The following CDH26 variants were observed in gnomAD, a reference collection of about 807,000 sequenced individuals.
CDH26 encodes the protein cadherin 26.
A neutral mutation model predicts 90.3 loss-of-function variants in CDH26; 83 were observed. The observed-to-expected ratio is 0.92, with a 90% CI of 0.77 to 1.10. The LOEUF (loss-of-function observed/expected upper bound fraction) is 1.10. Among genes scored for constraint, CDH26 ranks in the 50% least tolerant of loss-of-function variants. CDH26 has a pLI of 0.00. For synonymous variants in CDH26, 397 were observed against 396.3 expected (o/e 1.00, Z -0.02); for missense variants, 1,013 against 1,037.6 (o/e 0.98, Z 0.33).
Position 59,958,676 on chromosome 20 carries a change from G to A in CDH26, c.-51G>A, listed in dbSNP as rs2061028073. ...GTGGCTCCGGTGAGACCACCAGCTTGGAGGACTGGTCATCAGCTGCACGTT... is the reference window on the plus strand; with the variant it reads ...GTGGCTCCGGTGAGACCACCAGCTTAGAGGACTGGTCATCAGCTGCACGTT... On this transcript the variant is annotated 5_prime_UTR_variant, in exon 1 of 18. Transcript: ENST00000348616. The A allele has an allele frequency of 6.4e-7, 1 of 1,563,334 alleles. No individual in the cohort carries two copies. The highest frequency in any genetic ancestry group is 8.8e-7 in the Non-Finnish European group (1 of 1,134,410).
In CDH26 at chr20:59,971,953, T is replaced by G; in HGVS notation, c.232-9T>G. 6.2e-7 allele frequency: 1 copy of G among 1,605,102 alleles called. No homozygotes were observed. The highest frequency in any genetic ancestry group is 8.5e-7 in the Non-Finnish European group (1 of 1,174,540). On this transcript the variant is annotated splice_polypyrimidine_tract_variant and intron_variant, in intron 3 of 17. Coordinates refer to ENST00000348616, the MANE Select transcript of CDH26 (RefSeq NM_177980.4). ...CCTTTTTTCTTCTTTCCATTTTTCC[T>G]CCTTCCAGCTGTTCAATAATATGTC...
At chr20:60,034,672 C>T (rs2062070424), downstream of CDH26, among the ~76,000 whole-genome samples, 1 of 152,194 alleles carries the variant, frequency 6.6e-6, no homozygotes, top group Non-Finnish European at 1.5e-5. Context: ...GGTGTTTCTG[C>T]CAGTTCTCCT....
chr20:60,013,377 A>G lies in CDH26; in HGVS notation c.*647A>G, dbSNP rs749029432. On this transcript the variant is annotated 3_prime_UTR_variant, in exon 18 of 18. Coordinates refer to ENST00000348616, the MANE Select transcript of CDH26 (RefSeq NM_177980.4). ...AACTTGTATGTATTATGTAAGTAAAAGAGTTAGGAGCCTTTGAATGAGTAA... is the reference window on the plus strand; with the variant it reads ...AACTTGTATGTATTATGTAAGTAAAGGAGTTAGGAGCCTTTGAATGAGTAA... The G allele has an allele frequency of 2.0e-5, 3 of 152,242 alleles. No individual in the cohort carries two copies. Among genetic ancestry groups the G allele is most frequent in the Non-Finnish European group, 2.9e-5 (2 of 68,038 alleles). 9.4% of individuals were successfully genotyped at this position (152,242 alleles called of 1,614,324 possible). A position where few individuals can be genotyped will look rare whatever the true frequency, so the allele number is the denominator to read the frequency against.
rs536725946 is a variant in CDH26, at chr20:59,992,619, A to T, written c.1426+99A>T. 2 of 1,230,482 alleles carry T rather than the reference A, an allele frequency of 1.6e-6. No homozygotes were observed. Among genetic ancestry groups the T allele is most frequent in the East Asian group, 2.3e-5 (1 of 42,730 alleles). 76.2% of individuals were successfully genotyped at this position (1,230,482 alleles called of 1,614,324 possible). ...GTCTTTCAGCACAGCAGAGAAAAGG[A>T]TAAAATAAACCTTGTTATCACTCTG... On this transcript the variant is annotated intron_variant, in intron 10 of 17. Transcript: ENST00000348616. This position sits in a 1 kb window ranked among gnomAD's most constrained non-coding sequence, Gnocchi z 5.0.
chr20:60,018,702 C>CTTTTTTTTTTT (rs55994712), downstream of CDH26, among the ~76,000 whole-genome samples: 79 of 17,810 alleles, frequency 4.4e-3, 8 homozygotes, highest in African/African-American at 6.2e-3. Flanking sequence ...CTCTTACTGC[C>CTTTTTTTTTTT]TTTTTTTTTT....
At position 59,972,129 on chromosome 20, in the gene CDH26, T is replaced by A; in HGVS notation, c.393+6T>A. 6.2e-7 allele frequency: 1 copy of A among 1,612,570 alleles called. No individual in the cohort carries two copies. Among genetic ancestry groups the A allele is most frequent in the Non-Finnish European group, 8.5e-7 (1 of 1,179,034 alleles). On this transcript the variant is annotated splice_donor_region_variant and intron_variant, in intron 4 of 17. Coordinates refer to ENST00000348616, the MANE Select transcript of CDH26 (RefSeq NM_177980.4). ...AAATGACACCATCTTTCACGGTATCTAAAACTTGATATATTCTAAGCTCGG... is the reference window on the plus strand; with the variant it reads ...AAATGACACCATCTTTCACGGTATCAAAAACTTGATATATTCTAAGCTCGG...
intron 8 of CDH26, 30 bp downstream of exon 8, chr20:59,987,668 G>A: frequency 6.4e-7 from 1 of 1,565,764 alleles, no homozygotes; most frequent in South Asian, 1.2e-5. Context: ...ATACCAACCA[G>A]TTAGTGGCAG....
Position 59,958,545 on chromosome 20 carries a change from A to G in CDH26, c.-182A>G. Reference sequence around the variant, plus strand: ...CAAGTCAGCCCACCCCACTCTGATAAATGCAAGAAAAGCTGAAAAGGGAGG... The same window carrying G: ...CAAGTCAGCCCACCCCACTCTGATAGATGCAAGAAAAGCTGAAAAGGGAGG... On this transcript the variant is annotated 5_prime_UTR_variant, in exon 1 of 18. Transcript: ENST00000348616. 1 of 656,016 alleles carries G rather than the reference A, an allele frequency of 1.5e-6. No individual in the cohort carries two copies. The highest frequency in any genetic ancestry group is 2.7e-6 in the Non-Finnish European group (1 of 363,984). 40.6% of individuals were successfully genotyped at this position (656,016 alleles called of 1,614,324 possible). A position where few individuals can be genotyped will look rare whatever the true frequency, so the allele number is the denominator to read the frequency against.
chr20:59,964,946 C>A (rs2061127562), intron 1 of CDH26, among the ~76,000 whole-genome samples: 1 of 152,156 alleles, frequency 6.6e-6, no homozygotes, highest in African/African-American at 2.4e-5. Flanking sequence ...TGGAAATACA[C>A]CTGTTTCAGA....
intron 16 of CDH26, among the ~76,000 whole-genome samples, chr20:60,004,807 C>T (rs1423573590): frequency 6.8e-6 from 1 of 147,400 alleles, no homozygotes; most frequent in Non-Finnish European, 1.5e-5. Context: ...AACACCTACA[C>T]ATAGAAAAGG....
In CDH26 at chr20:59,995,825, C is replaced by T; in HGVS notation, c.1667-8C>T. On this transcript the variant is annotated splice_region_variant and splice_polypyrimidine_tract_variant and intron_variant, in intron 11 of 17. Transcript: ENST00000348616. ...TCAATGCATGCCATGTTCTTTTTCC[C>T]TTTGCAGGTCAATCAGTTGAACTTT... 1 of 1,612,992 alleles carries T rather than the reference C, an allele frequency of 6.2e-7. No homozygotes were observed. The highest frequency in any genetic ancestry group is 8.5e-7 in the Non-Finnish European group (1 of 1,178,952).
intron 2 of CDH26, among the ~76,000 whole-genome samples, chr20:59,969,442 AT>A (rs1486696940): frequency 6.6e-6 from 1 of 152,170 alleles, no homozygotes. Flanking sequence ...TCATTAAGTA[AT>A]TTTTTTAAAA....
At chr20:59,966,231 T>TAAAAAAAAAAAAAAAAAAAA (rs60088029) in intron 1 of CDH26, among the ~76,000 whole-genome samples, 3 of 76,266 alleles carry the variant, frequency 3.9e-5, no homozygotes, top group African/African-American at 1.9e-4. Context: ...GGTGTTGCAT[T>TAAAAAAAAAAAAAAAAAAAA]AAAAAAAAAA....
downstream of CDH26, among the ~76,000 whole-genome samples, chr20:60,018,807 T>G (rs887156932): frequency 6.7e-6 from 1 of 149,802 alleles, no homozygotes; most frequent in African/African-American, 2.5e-5. Flanking sequence ...GCTTTTCCAG[T>G]GAGTTTTATA....
chr20:60,023,624 A>G (rs1471163533), intron 7 of CDH26, among the ~76,000 whole-genome samples: 1 of 152,058 alleles, frequency 6.6e-6, no homozygotes, highest in African/African-American at 2.4e-5. Flanking sequence ...TACAAGAGAG[A>G]GCTGGACTTT....
chr20:59,975,214 A>G (rs1009736336), intron 4 of CDH26, among the ~76,000 whole-genome samples: 1 of 152,178 alleles, frequency 6.6e-6, no homozygotes, highest in East Asian at 1.9e-4. Context: ...AGTTAAAATG[A>G]GGTCATACTG....
At chr20:60,002,500 G>A (rs1034819492) in intron 15 of CDH26, among the ~76,000 whole-genome samples, 5 of 152,018 alleles carry the variant, frequency 3.3e-5, no homozygotes, top group South Asian at 2.1e-4. Context: ...GAGTTGTGCC[G>A]CTAGGCCTGG....
chr20:59,996,818 T>C (rs1018506376), intron 13 of CDH26, 57 bp downstream of exon 13: 2 of 1,592,946 alleles, frequency 1.3e-6, no homozygotes. Flanking sequence ...TACACAGACA[T>C]ATAGCATGTA....
intron 7 of CDH26, among the ~76,000 whole-genome samples, chr20:59,986,859 A>G (rs2061465034): frequency 6.6e-6 from 1 of 152,260 alleles, no homozygotes; most frequent in African/African-American, 2.4e-5. Context: ...AGAAGTATAT[A>G]ATAACTACAA....
Sources: allele counts gnomAD v4.1 joint callset (sites outside exome capture counted in the v4.1 genomes callset), GRCh38; gene constraint gnomAD v4.1.1; non-coding constraint Gnocchi (gnomAD v3.1); transcripts MANE v1.5; gene names NCBI Gene and HGNC (gene_info 2026-07-23, HGNC 2026-07-21).